HCN1: variants seen among roughly 807,000 people sequenced by gnomAD.
HCN1 encodes the protein hyperpolarization activated cyclic nucleotide gated potassium channel 1.
In HCN1, 13 loss-of-function variants were observed where a neutral mutation model predicts 78.9. The observed-to-expected ratio is 0.16, with a 90% CI of 0.11 to 0.26. HCN1 has a LOEUF of 0.26. HCN1 is among the 10% of genes least tolerant of loss of function. The pLI is 1.00. For synonymous variants in HCN1, 552 were observed against 455.5 expected, an observed-to-expected ratio of 1.21 and a Z score of -2.70; for missense variants, 810 against 1,154.3, an observed-to-expected ratio of 0.70 and a Z score of 4.32.
chr5:45,671,497 T>C (rs988091947), intron 1 of HCN1, among the ~76,000 whole-genome samples: 1 of 151,472 alleles, frequency 6.6e-6, no homozygotes, highest in Non-Finnish European at 1.5e-5. Flanking sequence ...ATTCATGCCT[T>C]ACTCTTGTTT....
intron 2 of HCN1, among the ~76,000 whole-genome samples, chr5:45,613,728 T>G (rs1216138141): frequency 6.6e-6 from 1 of 152,114 alleles, no homozygotes; most frequent in Non-Finnish European, 1.5e-5. Flanking sequence ...TGTCCAACAA[T>G]GATAGACTGG....
chr5:45,469,913 G>T (rs1460643551), intron 2 of HCN1, among the ~76,000 whole-genome samples: 1 of 151,888 alleles, frequency 6.6e-6, no homozygotes, highest in Non-Finnish European at 1.5e-5. Flanking sequence ...GTGAGAGTGA[G>T]CCTTACATTG....
chr5:45,369,371 TGCCC>T (rs1191754717), intron 4 of HCN1, among the ~76,000 whole-genome samples: 11 of 148,380 alleles, frequency 7.4e-5, no homozygotes, highest in African/African-American at 2.4e-4. Context: ...AATGTAAATC[TGCCC>T]ATGGCATAAC....
intron 2 of HCN1, among the ~76,000 whole-genome samples, chr5:45,498,697 T>C (rs1742112912): frequency 6.6e-6 from 1 of 152,182 alleles, no homozygotes; most frequent in Non-Finnish European, 1.5e-5. Flanking sequence ...TGCTGTTTTT[T>C]CCCCATCTTT....
chr5:45,319,695 G>GA (rs2111933502), intron 5 of HCN1, among the ~76,000 whole-genome samples: 1 of 149,604 alleles, frequency 6.7e-6, no homozygotes, highest in South Asian at 2.1e-4. Context: ...TTTGTTTCCT[G>GA]GTTTTTTTTT....
At position 45,416,621 on chromosome 5, in the gene HCN1, C is replaced by T. The variant is rs112177159; in HGVS notation, c.1012-19911G>A. ...TTGGTAAGAGAAGGATGAAGGCAAA[C>T]GCATAAATACACAGTACTATATATA... On this transcript the variant is annotated intron_variant, in intron 3 of 7. Coordinates refer to ENST00000303230, the MANE Select transcript of HCN1 (RefSeq NM_021072.4). 3.9e-5 allele frequency among the ~76,000 whole-genome samples: 6 copies of T among 151,922 alleles called. 1 individual carries two copies. Among genetic ancestry groups the T allele is most frequent in the African/African-American group, 9.6e-5 (4 of 41,504 alleles).
rs190428233 is a variant in HCN1 at position 45,403,824 on chromosome 5, T to C, written c.1012-7114A>G. 3.2e-4 allele frequency among the ~76,000 whole-genome samples: 48 copies of C among 152,330 alleles called. 1 individual carries two copies. The South Asian group carries it at 6.8e-3, about 22-fold the overall frequency. ...AAACTGTTCAAAGCACCAATTATTA[T>C]GTTAAACTAGTTTAATCATGAGTAC... On this transcript the variant is annotated intron_variant, in intron 3 of 7. Coordinates refer to ENST00000303230, the MANE Select transcript of HCN1 (RefSeq NM_021072.4).
At chr5:45,317,860 A>G (rs1021770125) in intron 5 of HCN1, among the ~76,000 whole-genome samples, 1 of 152,182 alleles carries the variant, frequency 6.6e-6, no homozygotes, top group Non-Finnish European at 1.5e-5. Flanking sequence ...CAAAACCACA[A>G]TGAGATACCA....
chr5:45,653,457 C>G (rs891425064), intron 1 of HCN1, among the ~76,000 whole-genome samples: 1 of 152,094 alleles, frequency 6.6e-6, no homozygotes, highest in Non-Finnish European at 1.5e-5. Context: ...ACTGTTTTAG[C>G]CCTTATTCCT....
At chr5:45,467,091 T>A (rs1741289613) in intron 2 of HCN1, among the ~76,000 whole-genome samples, 1 of 152,088 alleles carries the variant, frequency 6.6e-6, no homozygotes, top group Non-Finnish European at 1.5e-5. Flanking sequence ...CCACTATTCC[T>A]TCCAAAATTC....
chr5:45,507,187 T>C (rs2111747572), intron 2 of HCN1, among the ~76,000 whole-genome samples: 1 of 152,294 alleles, frequency 6.6e-6, no homozygotes, highest in African/African-American at 2.4e-5. Flanking sequence ...AAATTTAGAT[T>C]TCCCATTAAC....
At chr5:45,290,710 T>C (rs1219183747) in intron 6 of HCN1, among the ~76,000 whole-genome samples, 1 of 152,080 alleles carries the variant, frequency 6.6e-6, no homozygotes, top group Admixed American at 6.6e-5. Context: ...TTAGTCATGA[T>C]GCTGAGGGTG....
At chr5:45,341,446 G>A (rs1325031956) in intron 5 of HCN1, among the ~76,000 whole-genome samples, 2 of 152,154 alleles carry the variant, frequency 1.3e-5, no homozygotes, top group Non-Finnish European at 2.9e-5. Flanking sequence ...AGCTTTCAAT[G>A]GAAGTTTTAA....
At chr5:45,588,301 G>A (rs62369113) in intron 2 of HCN1, among the ~76,000 whole-genome samples, 9,078 of 152,276 alleles carry the variant, frequency 0.06, 370 homozygotes, top group Non-Finnish European at 0.091. Context: ...CCCATAGGTA[G>A]AATCACAGTG....
intron 3 of HCN1, among the ~76,000 whole-genome samples, chr5:45,444,537 T>A (rs1262987444): frequency 2.0e-5 from 3 of 152,168 alleles, no homozygotes; most frequent in African/African-American, 7.2e-5. Context: ...ATGCTTTACA[T>A]CTTTGGCTGA....
intron 2 of HCN1, among the ~76,000 whole-genome samples, chr5:45,525,353 AC>A (rs1403038426): frequency 1.3e-5 from 2 of 152,000 alleles, no homozygotes; most frequent in African/African-American, 4.8e-5. Context: ...AAGATATTAG[AC>A]TTGTAAAAGA....
intron 4 of HCN1, among the ~76,000 whole-genome samples, chr5:45,388,736 C>G (rs1464948589): frequency 6.6e-6 from 1 of 152,128 alleles, no homozygotes; most frequent in African/African-American, 2.4e-5. Context: ...TCCCACTTAC[C>G]CCTCTCATTT....
chr5:45,354,576 A>T (rs1356739610), intron 4 of HCN1, among the ~76,000 whole-genome samples: 1 of 152,100 alleles, frequency 6.6e-6, no homozygotes, highest in African/African-American at 2.4e-5. Context: ...AATGAGAAAC[A>T]GCAACCCATT....
chr5:45,311,089 T>G (rs1007988370), intron 5 of HCN1, among the ~76,000 whole-genome samples: 3 of 152,146 alleles, frequency 2.0e-5, no homozygotes, highest in Non-Finnish European at 4.4e-5. Context: ...TGAAATAATC[T>G]GTACAACAAA....
Sources: allele counts gnomAD v4.1 joint callset (sites outside exome capture counted in the v4.1 genomes callset), GRCh38; gene constraint gnomAD v4.1.1; transcripts MANE v1.5; gene names NCBI Gene and HGNC (gene_info 2026-07-23, HGNC 2026-07-21).